The following NCAM2 variants were observed in gnomAD, a reference collection of about 807,000 sequenced individuals.
The protein encoded by NCAM2 is neural cell adhesion molecule 2.
NCAM2 carries 30 observed loss-of-function variants against 98.1 expected under a neutral mutation model. The ratio of observed to expected loss-of-function variants is 0.31; its 90% CI spans 0.23 to 0.41. The LOEUF (loss-of-function observed/expected upper bound fraction) is 0.41, where lower values mean the gene tolerates loss of function less well. Ranked by LOEUF, NCAM2 falls within the 10% of genes least tolerant of loss-of-function variation. The probability of loss-of-function intolerance (pLI) is 1.00; values close to 1 mark genes in which losing one functional copy is unlikely to be tolerated. For missense variants in NCAM2, 867 were observed against 1,005.8 expected, an observed-to-expected ratio of 0.86 and a Z score of 1.87; for synonymous variants, 368 against 342.4, an observed-to-expected ratio of 1.07 and a Z score of -0.83.
intron 9 of NCAM2, among the ~76,000 whole-genome samples, chr21:21,382,352 T>A (rs763153467): frequency 9.2e-5 from 14 of 152,136 alleles, no homozygotes; most frequent in Non-Finnish European, 1.6e-4. Flanking sequence ...TTGAAATTGT[T>A]TCACAGGCTC....
At chr21:21,226,151 CA>C (rs2070373670) in intron 1 of NCAM2, among the ~76,000 whole-genome samples, 1 of 151,862 alleles carries the variant, frequency 6.6e-6, no homozygotes, top group Non-Finnish European at 1.5e-5. Flanking sequence ...CACGGGATTT[CA>C]AAAGCGGGGA....
At chr21:21,046,733 G>A (rs2065013126) in intron 1 of NCAM2, among the ~76,000 whole-genome samples, 1 of 151,982 alleles carries the variant, frequency 6.6e-6, no homozygotes, top group Non-Finnish European at 1.5e-5. Context: ...AATTCTTACT[G>A]GTTTGTTTTG....
chr21:21,088,714 T>C (rs6417722), intron 1 of NCAM2, among the ~76,000 whole-genome samples: 151,037 of 152,260 alleles, frequency 0.99, 74,929 homozygotes, highest in Middle Eastern at 1. Context: ...TTCTTGGGGC[T>C]AGGAGCGGTG....
intron 1 of NCAM2, among the ~76,000 whole-genome samples, chr21:21,168,483 T>C (rs1048332289): frequency 3.3e-5 from 5 of 152,088 alleles, no homozygotes; most frequent in African/African-American, 1.2e-4. Flanking sequence ...ACATACAGAC[T>C]GGAAAGGAAT....
At chr21:21,448,492 C>G (rs888750264) in intron 12 of NCAM2, among the ~76,000 whole-genome samples, 2 of 151,304 alleles carry the variant, frequency 1.3e-5, no homozygotes, top group Non-Finnish European at 2.9e-5. Flanking sequence ...GCACCTGTAT[C>G]CTGGAAATTG....
chr21:21,438,105 A>C (rs1300511790), intron 12 of NCAM2, among the ~76,000 whole-genome samples: 2 of 152,122 alleles, frequency 1.3e-5, no homozygotes, highest in Non-Finnish European at 2.9e-5. Context: ...TGGTCTCAAC[A>C]TTTCAGCTAT....
chr21:21,483,539 C>A (rs1250869567), intron 15 of NCAM2, among the ~76,000 whole-genome samples: 1 of 151,908 alleles, frequency 6.6e-6, no homozygotes, highest in African/African-American at 2.4e-5. Context: ...GATAATTCAA[C>A]ATGAACAGAA....
chr21:21,060,499 A>G (rs1343507771), intron 1 of NCAM2, among the ~76,000 whole-genome samples: 1 of 152,134 alleles, frequency 6.6e-6, no homozygotes. Context: ...TGTCTTAAGC[A>G]GACAATTTTA....
chr21:21,357,150 A>C (rs746175845), intron 8 of NCAM2, among the ~76,000 whole-genome samples: 1 of 152,170 alleles, frequency 6.6e-6, no homozygotes, highest in Non-Finnish European at 1.5e-5. Flanking sequence ...ACAAAATACC[A>C]GTTTTGAGTA....
At chr21:21,381,909 T>A (rs2076161834) in intron 9 of NCAM2, among the ~76,000 whole-genome samples, 1 of 152,148 alleles carries the variant, frequency 6.6e-6, no homozygotes, top group Non-Finnish European at 1.5e-5. Context: ...TTCCATTAAT[T>A]TATCTTTCAT....
intron 1 of NCAM2, among the ~76,000 whole-genome samples, chr21:21,030,630 G>T (rs2064660957): frequency 6.6e-6 from 1 of 152,152 alleles, no homozygotes; most frequent in Non-Finnish European, 1.5e-5. Context: ...GCATCTCCAG[G>T]GGAGTCATTC....
At chr21:21,024,541 C>T (rs111936339) in intron 1 of NCAM2, among the ~76,000 whole-genome samples, 3,573 of 152,134 alleles carry the variant, frequency 0.023, 120 homozygotes, top group Admixed American at 0.083. Flanking sequence ...TGGCTTGATC[C>T]TCAATCAGTT....
chr21:21,161,186 A>G (rs926128240), intron 1 of NCAM2, among the ~76,000 whole-genome samples: 1 of 152,038 alleles, frequency 6.6e-6, no homozygotes, highest in African/African-American at 2.4e-5. Context: ...TTGCGAATAG[A>G]TAGGAAAAAG....
chr21:21,323,923 G>T (rs2074442350), intron 5 of NCAM2, among the ~76,000 whole-genome samples: 1 of 152,130 alleles, frequency 6.6e-6, no homozygotes. Context: ...AGACCAATGA[G>T]AAGCCAAATA....
intron 1 of NCAM2, among the ~76,000 whole-genome samples, chr21:21,065,910 G>A (rs1369752559): frequency 2.0e-5 from 3 of 151,974 alleles, no homozygotes; most frequent in African/African-American, 7.3e-5. Flanking sequence ...TAGATTAATG[G>A]TCCTACTAAA....
intron 1 of NCAM2, among the ~76,000 whole-genome samples, chr21:20,999,465 A>G (rs2063979748): frequency 6.6e-6 from 1 of 152,186 alleles, no homozygotes; most frequent in Non-Finnish European, 1.5e-5. Context: ...TTAGATAGTA[A>G]ACACTCACAT....
intron 1 of NCAM2, among the ~76,000 whole-genome samples, chr21:21,119,771 T>G (rs1297216134): frequency 6.6e-6 from 1 of 152,202 alleles, no homozygotes; most frequent in Non-Finnish European, 1.5e-5. Flanking sequence ...TTCTAAACTT[T>G]TAGGAAAAAT....
At position 21,468,802 on chromosome 21, in the gene NCAM2, G is replaced by A. The variant is rs2250508; in HGVS notation, c.1896+19G>A. On this transcript the variant is annotated intron_variant, in intron 14 of 17. Transcript: ENST00000400546. ...TAGAAGTGTAAGTACCTTGTTTATT[G>A]TCATATCATGCTAGGTTTTTTCAAA... 837,160 of 1,596,032 alleles carry A rather than the reference G, an allele frequency of 0.52. 227,306 individuals carry two copies. Among genetic ancestry groups the A allele is most frequent in the African/African-American group, 0.59 (43,978 of 74,212 alleles).
intron 11 of NCAM2, among the ~76,000 whole-genome samples, chr21:21,423,723 C>T (rs1264096071): frequency 6.6e-6 from 1 of 152,064 alleles, no homozygotes; most frequent in Non-Finnish European, 1.5e-5. Flanking sequence ...TAAATCTCAT[C>T]TTGTCAGTTT....
Sources: gnomAD v4.1 joint callset for allele counts (sites outside exome capture counted in the v4.1 genomes callset) on GRCh38, gnomAD v4.1.1 for gene constraint, MANE v1.5 for transcripts, NCBI Gene and HGNC (gene_info 2026-07-23, HGNC 2026-07-21) for gene names.